The following MAOB variants were observed in gnomAD, a reference collection of about 807,000 sequenced individuals.
MAOB encodes monoamine oxidase B.
In MAOB, 15 loss-of-function variants were observed where a neutral mutation model predicts 41.9. The observed-to-expected ratio is 0.36, with a 90% CI of 0.24 to 0.55. MAOB has a LOEUF of 0.55. Among genes scored for constraint, MAOB ranks in the 20% least tolerant of loss-of-function variants. The pLI is 0.86. For missense variants in MAOB, 345 were observed against 398.7 expected, an observed-to-expected ratio of 0.87 and a Z score of 1.15; for synonymous variants, 167 against 144.2, an observed-to-expected ratio of 1.16 and a Z score of -1.13.
chrX:43,795,594 C>A, intron 7 of MAOB, 145 bp downstream of exon 7: 1 of 473,116 alleles, frequency 2.1e-6, no homozygotes. Context: ...CTGTGACCAG[C>A]CCCATCCTGA....
rs1304362850 is a variant in MAOB at position 43,769,425 on chromosome X, A to G, written c.1236-7T>C. ...CACTGGCTGGCGTAGAACCCTTGGAACAAAACCAAAGAGGCAAAAGTGGTC... is the reference window on the plus strand; with the variant it reads ...CACTGGCTGGCGTAGAACCCTTGGAGCAAAACCAAAGAGGCAAAAGTGGTC... On this transcript the variant is annotated splice_polypyrimidine_tract_variant and splice_region_variant and intron_variant, in intron 12 of 14. Coordinates refer to ENST00000378069, the MANE Select transcript of MAOB (RefSeq NM_000898.5). The G allele has an allele frequency of 8.3e-7, 1 of 1,205,295 alleles. No individual in the cohort carries two copies. The highest frequency in any genetic ancestry group is 2.2e-5 in the Admixed American group (1 of 44,688).
At chrX:43,794,907 G>C (rs975142677) in intron 7 of MAOB, among the ~76,000 whole-genome samples, 4 of 107,315 alleles carry the variant, frequency 3.7e-5, no homozygotes, top group African/African-American at 1.4e-4. Flanking sequence ...TGTTGAGTGA[G>C]AGAATGGAAA....
chrX:43,780,304 GA>G (rs1332198201), intron 10 of MAOB, 37 bp downstream of exon 10: 2 of 1,130,185 alleles, frequency 1.8e-6, no homozygotes, highest in Non-Finnish European at 2.4e-6. Flanking sequence ...GGGGGGAAAG[GA>G]AGGAAGAAAC....
rs2034125961 is a variant in MAOB, at chrX:43,767,504, A to G, written c.1525T>C (p.Phe509Leu). The change falls in exon 15 of 15, where the codon TTC becomes CTC. Residue 509 changes from phenylalanine (F) to leucine (L), a missense_variant. Physicochemically the swap from Phe to Leu is conservative, Grantham distance 22. Coordinates refer to ENST00000378069, the MANE Select transcript of MAOB (RefSeq NM_000898.5). The stretch of plus-strand genomic sequence containing the variant: ...AGTAGCCCCCTTTTGTGGGCCAGGA[A>G]GCCAAGAGCCGTTGCTGAAAAGATG... Reference protein sequence around the residue: ...TTIFSATALGFLAHKRGLLVR... With the variant: ...TTIFSATALGLLAHKRGLLVR... 8.3e-7 allele frequency: 1 copy of G among 1,210,723 alleles called. No individual in the cohort carries two copies. Among genetic ancestry groups the G allele is most frequent in the Non-Finnish European group, 1.1e-6 (1 of 895,180 alleles).
intron 3 of MAOB, among the ~76,000 whole-genome samples, chrX:43,827,600 C>T (rs2034964263): frequency 9.0e-6 from 1 of 111,670 alleles, no homozygotes; most frequent in Non-Finnish European, 1.9e-5. Context: ...TGGTCAAAGC[C>T]GTGACAGAGT....
At chrX:43,813,211 T>C (rs1485217228) in intron 3 of MAOB, among the ~76,000 whole-genome samples, 1 of 112,373 alleles carries the variant, frequency 8.9e-6, no homozygotes, top group Non-Finnish European at 1.9e-5. Flanking sequence ...TTAATTATAA[T>C]GATTGAACAC....
intron 2 of MAOB, among the ~76,000 whole-genome samples, chrX:43,840,416 A>G (rs1305562041): frequency 1.8e-5 from 2 of 112,019 alleles, no homozygotes; most frequent in Non-Finnish European, 3.8e-5. Context: ...GATTCATAGT[A>G]GGTACTCAGT....
chrX:43,782,534 G>A lies in MAOB; in HGVS notation c.929-990C>T, dbSNP rs759557751. 5.4e-5 allele frequency among the ~76,000 whole-genome samples: 6 copies of A among 111,246 alleles called. No homozygotes were observed. The East Asian group carries it at 1.7e-3, about 32-fold the overall frequency. ...AACCAAAAAAAGCCCAAGACCAGAC[G>A]GATTCACAGCCAAATTCTACCAGAG... On this transcript the variant is annotated intron_variant, in intron 8 of 14. Coordinates refer to ENST00000378069, the MANE Select transcript of MAOB (RefSeq NM_000898.5).
intron 1 of MAOB, among the ~76,000 whole-genome samples, chrX:43,881,648 A>C (rs772526219): frequency 1.6e-4 from 18 of 112,001 alleles, no homozygotes; most frequent in African/African-American, 5.8e-4. Context: ...ACCCTGCGCT[A>C]GGAGTGGGGT....
chrX:43,858,634 G>A (rs981745180), intron 1 of MAOB, among the ~76,000 whole-genome samples: 1 of 110,740 alleles, frequency 9.0e-6, no homozygotes, highest in African/African-American at 3.3e-5. Context: ...ATTTTCCACA[G>A]CAGTAAATAC....
At chrX:43,771,242 TTCTG>T (rs1246211092) in intron 12 of MAOB, among the ~76,000 whole-genome samples, 1 of 112,230 alleles carries the variant, frequency 8.9e-6, no homozygotes, top group Non-Finnish European at 1.9e-5. Flanking sequence ...CATACAACCA[TTCTG>T]TCTTTCACTT....
At chrX:43,770,775 T>C (rs1262880160) in intron 12 of MAOB, among the ~76,000 whole-genome samples, 2 of 111,902 alleles carry the variant, frequency 1.8e-5, no homozygotes, top group Non-Finnish European at 3.8e-5. Context: ...TTTTATCTTA[T>C]ATTCTTTGCC....
intron 2 of MAOB, 77 bp from the exon 3 acceptor site, chrX:43,839,082 C>G: frequency 1.3e-6 from 1 of 775,371 alleles, no homozygotes; most frequent in Non-Finnish European, 1.8e-6. Flanking sequence ...CTGAAATAAG[C>G]AAATCGACAT....
chrX:43,875,664 G>C (rs2035435064), intron 1 of MAOB, among the ~76,000 whole-genome samples: 1 of 111,626 alleles, frequency 9.0e-6, no homozygotes, highest in Admixed American at 9.5e-5. Context: ...CCTCAATTTG[G>C]CTCACTTTTG....
intron 1 of MAOB, among the ~76,000 whole-genome samples, chrX:43,853,075 C>T (rs867019678): frequency 9.2e-5 from 10 of 108,804 alleles, no homozygotes; most frequent in African/African-American, 3.3e-4. Context: ...CCGAGGCGGG[C>T]GGATCACGAT....
rs1162199829 is a variant in MAOB, at chrX:43,766,756, T to C, written c.*710A>G. 8.9e-6 allele frequency: 1 copy of C among 111,972 alleles called. No individual in the cohort carries two copies. Among genetic ancestry groups the C allele is most frequent in the Admixed American group, 9.5e-5 (1 of 10,512 alleles). The allele number at this position is 111,972 out of a possible 1,213,427, so 9.2% of individuals were successfully genotyped here. A position where few individuals can be genotyped will look rare whatever the true frequency, so the allele number is the denominator to read the frequency against. ...GCTGGAGACACACCGCACAAAACAG[T>C]AAGACTTAAGGCTATATACTGAGTA... On this transcript the variant is annotated 3_prime_UTR_variant, in exon 15 of 15. Transcript: ENST00000378069.
chrX:43,794,512 A>G (rs1253889999), intron 7 of MAOB, among the ~76,000 whole-genome samples: 1 of 110,492 alleles, frequency 9.1e-6, no homozygotes, highest in Non-Finnish European at 1.9e-5. Context: ...GGAGAATTGT[A>G]TGTGGGCAGA....
intron 4 of MAOB, among the ~76,000 whole-genome samples, chrX:43,802,667 G>A (rs775054607): frequency 9.0e-6 from 1 of 111,246 alleles, no homozygotes; most frequent in Non-Finnish European, 1.9e-5. Flanking sequence ...TAAGCTTTAT[G>A]TGTGTTCAGA....
chrX:43,797,595 C>A lies in MAOB; in HGVS notation c.477-329G>T, dbSNP rs112698540. On this transcript the variant is annotated intron_variant, in intron 5 of 14. Coordinates refer to ENST00000378069, the MANE Select transcript of MAOB (RefSeq NM_000898.5). ...CCATCATTTACTCAGTGGTAAAAAC[C>A]AACACTCTAGAAATCAAACATTATT... 9.2e-3 allele frequency among the ~76,000 whole-genome samples: 1,028 copies of A among 111,782 alleles called. 14 individuals are homozygous for A. Among genetic ancestry groups the A allele is most frequent in the African/African-American group, 0.032 (987 of 30,708 alleles).
Sources: allele counts gnomAD v4.1 joint callset (sites outside exome capture counted in the v4.1 genomes callset), GRCh38; gene constraint gnomAD v4.1.1; transcripts MANE v1.5; gene names NCBI Gene and HGNC (gene_info 2026-07-23, HGNC 2026-07-21).